Variants in NRXN2 observed in about 807,000 individuals in gnomAD.
NRXN2 encodes the protein neurexin-2-beta.
In NRXN2, 29 loss-of-function variants were observed where a neutral mutation model predicts 128.8. That is an observed-to-expected ratio of 0.23 (90% confidence interval 0.17 to 0.31). NRXN2 has a LOEUF of 0.31. NRXN2 is among the 10% of genes least tolerant of loss of function. NRXN2 has a pLI of 1.00. For missense variants in NRXN2, 1,881 were observed against 2,452.6 expected (o/e 0.77, Z 4.92); for synonymous variants, 1,098 against 1,075.2 (o/e 1.02, Z -0.41).
intron 2 of NRXN2, among the ~76,000 whole-genome samples, chr11:64,704,070 A>C (rs2055864051): frequency 6.6e-6 from 1 of 152,014 alleles, no homozygotes; most frequent in Non-Finnish European, 1.5e-5. Context: ...CCCTCTAGAG[A>C]AGCCTGTCCC....
intron 17 of NRXN2, among the ~76,000 whole-genome samples, chr11:64,642,037 G>A (rs1464421730): frequency 1.3e-5 from 2 of 152,084 alleles, no homozygotes; most frequent in African/African-American, 2.4e-5. Flanking sequence ...GTCAGAGGCA[G>A]AAATGACAGA....
intron 5 of NRXN2, among the ~76,000 whole-genome samples, chr11:64,686,459 A>G (rs2053063614): frequency 6.6e-6 from 1 of 152,024 alleles, no homozygotes; most frequent in African/African-American, 2.4e-5. Context: ...TTTCAGCCTC[A>G]CCATATGGGA....
At chr11:64,641,759 G>A (rs1219875789) in intron 17 of NRXN2, among the ~76,000 whole-genome samples, 1 of 152,062 alleles carries the variant, frequency 6.6e-6, no homozygotes, top group Non-Finnish European at 1.5e-5. Context: ...CAGCGATAGA[G>A]GACTGACACA....
intron 2 of NRXN2, among the ~76,000 whole-genome samples, chr11:64,706,152 A>ATATATATAATATATATTATATATAAAG (rs1311801812): frequency 0.038 from 1 of 26 alleles, no homozygotes; most frequent in African/African-American, 0.17. Flanking sequence ...TATATAAAGT[A>ATATATATAATATATATTATATATAAAG]TATATATATA....
At chr11:64,661,589 T>TC (rs1181875480) in intron 9 of NRXN2, among the ~76,000 whole-genome samples, 1 of 152,030 alleles carries the variant, frequency 6.6e-6, no homozygotes, top group Non-Finnish European at 1.5e-5. Context: ...AGGAGTTTTT[T>TC]CCCCCCACAA....
chr11:64,671,987 T>G (rs1450954455), intron 7 of NRXN2, among the ~76,000 whole-genome samples: 1 of 150,908 alleles, frequency 6.6e-6, no homozygotes, highest in African/African-American at 2.4e-5. Context: ...CACAGCAGAG[T>G]GTCTGCACCC....
intron 22 of NRXN2, among the ~76,000 whole-genome samples, chr11:64,617,197 C>A (rs1485509530): frequency 6.6e-6 from 1 of 151,868 alleles, no homozygotes. Context: ...TGGAAGTGGG[C>A]CCATGTGAGC....
intron 9 of NRXN2, 44 bp from the exon 10 acceptor site, chr11:64,661,183 G>A (rs747471186): frequency 4.3e-6 from 7 of 1,611,846 alleles, no homozygotes; most frequent in Middle Eastern, 1.7e-4. Context: ...CCACAGGCCA[G>A]AAAGGGACAT....
At chr11:64,712,676 C>A (rs1257633934) in intron 2 of NRXN2, 7 of 592,108 alleles carry the variant, frequency 1.2e-5, no homozygotes, top group Non-Finnish European at 2.0e-5. Flanking sequence ...GCTTCATGCA[C>A]CCCACCCTCA....
At position 64,658,766 on chromosome 11, in the gene NRXN2, C is replaced by A. The variant is rs532162304; in HGVS notation, c.2389+1566G>T. ...GTTCAGCCAGGCACAGTGGCTCATG[C>A]CTGTAATCCCAGCACTTTGGGAGGC... is the stretch of plus-strand genomic sequence containing the variant. On this transcript the variant is annotated intron_variant, in intron 11 of 22. Transcript: ENST00000265459. Among the ~76,000 whole-genome samples, 4 of 152,370 alleles carry A rather than the reference C, an allele frequency of 2.6e-5. No individual in the cohort carries two copies. The East Asian group carries it at 7.7e-4, about 29-fold the overall frequency.
chr11:64,659,499 G>A (rs1055769994), intron 11 of NRXN2: 1 of 152,438 alleles, frequency 6.6e-6, no homozygotes, highest in African/African-American at 2.4e-5. Flanking sequence ...CTCAACCCTG[G>A]GCATGGGTGG....
chr11:64,627,961 G>A (rs1291715163), intron 19 of NRXN2, among the ~76,000 whole-genome samples: 1 of 152,128 alleles, frequency 6.6e-6, no homozygotes, highest in Non-Finnish European at 1.5e-5. Context: ...ATGTGGGTAT[G>A]GATGGTGCCT....
At position 64,653,735 on chromosome 11, in the gene NRXN2, T is replaced by A. The variant is rs771815957; in HGVS notation, c.2390-13A>T. 7.0e-6 allele frequency: 11 copies of A among 1,574,408 alleles called. No homozygotes were observed. In the South Asian group the frequency reaches 9.3e-5, roughly 13 times the overall value. ...ACGCGCAGGCAGTCTGGGGGGGCCA[T>A]GGGGCGGGCAGAGGGGAAGGGGAGA... is the stretch of plus-strand genomic sequence containing the variant. On this transcript the variant is annotated splice_polypyrimidine_tract_variant and intron_variant, in intron 11 of 22. Coordinates refer to ENST00000265459, the MANE Select transcript of NRXN2 (RefSeq NM_015080.4).
chr11:64,638,137 C>A (rs903502453), intron 17 of NRXN2, among the ~76,000 whole-genome samples: 18 of 152,298 alleles, frequency 1.2e-4, no homozygotes, highest in African/African-American at 3.6e-4. Context: ...AGGGCGCACG[C>A]GTCCCCGCCC....
At chr11:64,641,206 G>A (rs959394725) in intron 17 of NRXN2, among the ~76,000 whole-genome samples, 1 of 152,050 alleles carries the variant, frequency 6.6e-6, no homozygotes, top group African/African-American at 2.4e-5. Flanking sequence ...GGACAGGTAT[G>A]TGAGGTGTTG....
rs2039847065 is a variant in NRXN2, at chr11:64,607,618, G to T, written c.4717C>A (p.Pro1573Thr). The change falls in exon 23 of 23, where the codon CCC (proline) becomes ACC (threonine). Residue 1573 changes from proline (P) to threonine (T), a missense_variant. Pro to Thr is a conservative substitution (Grantham distance 38, BLOSUM62 -1). Around this residue, in one of 7 missense-constraint regions of NRXN2, gnomAD observed 310 missense variants for 318.2 expected, o/e 0.97. Transcript: ENST00000265459. ...CCCAAGGGCGGGTTCTCCAGCAAGG[G>T]CTGAAGCGGGTCTCGGTGGTTCATT... Reference protein sequence around the residue: ...GKMNHRDPLQPLLENPPLGPG... With the variant: ...GKMNHRDPLQTLLENPPLGPG... The T allele has an allele frequency of 6.5e-7, 1 of 1,536,116 alleles. No individual in the cohort carries two copies. Among genetic ancestry groups the T allele is most frequent in the African/African-American group, 1.4e-5 (1 of 72,886 alleles).
chr11:64,690,555 C>T (rs2135581292), intron 4 of NRXN2, 79 bp from the exon 5 acceptor site: 1 of 1,284,526 alleles, frequency 7.8e-7, no homozygotes, highest in Non-Finnish European at 1.1e-6. Context: ...ATGAAGGGCC[C>T]TCTCCAGGGT....
chr11:64,621,994 C>G (rs1176934931), intron 21 of NRXN2, among the ~76,000 whole-genome samples: 1 of 151,998 alleles, frequency 6.6e-6, no homozygotes, highest in Non-Finnish European at 1.5e-5. Context: ...CAAGGCCCCT[C>G]CTCCCTACCA....
intron 2 of NRXN2, among the ~76,000 whole-genome samples, chr11:64,707,953 C>T (rs1395286426): frequency 2.0e-5 from 3 of 152,096 alleles, no homozygotes; most frequent in East Asian, 3.8e-4. Flanking sequence ...ATTAGCCAGG[C>T]GTGGTGGTGC....
Sources: gnomAD v4.1 joint callset for allele counts (sites outside exome capture counted in the v4.1 genomes callset) on GRCh38, gnomAD v4.1.1 for gene constraint, gnomAD v4.1.1 regional missense constraint, MANE v1.5 for transcripts, NCBI Gene and HGNC (gene_info 2026-07-23, HGNC 2026-07-21) for gene names.